The following HEATR5A variants were observed in gnomAD, a reference collection of about 807,000 sequenced individuals.
HEATR5A encodes HEAT repeat-containing protein 5A.
In HEATR5A, 178 loss-of-function variants were observed where a neutral mutation model predicts 218.8. That is an observed-to-expected ratio of 0.81 (90% CI 0.72 to 0.92). The LOEUF (loss-of-function observed/expected upper bound fraction) is 0.92, where lower values mean the gene tolerates loss of function less well. Ranked by LOEUF, HEATR5A falls within the 40% of genes least tolerant of loss-of-function variation. HEATR5A has a pLI of 0.00. For missense variants in HEATR5A, 2,420 were observed against 2,418.9 expected, an observed-to-expected ratio of 1.00 and a Z score of -0.01; for synonymous variants, 864 against 871.6, an observed-to-expected ratio of 0.99 and a Z score of 0.15.
chr14:31,314,587 G>A (rs1342817089), intron 27 of HEATR5A, among the ~76,000 whole-genome samples: 2 of 151,988 alleles, frequency 1.3e-5, no homozygotes, highest in Non-Finnish European at 2.9e-5. Flanking sequence ...TTTATATAGA[G>A]ATGGGGTCTC....
In HEATR5A at chr14:31,419,982, G is replaced by A. The variant is rs2031589357; in HGVS notation, c.-75+490C>T. Among the ~76,000 whole-genome samples the A allele has an allele frequency of 3.3e-5, 5 of 152,352 alleles. No homozygotes were observed. In the South Asian group the frequency reaches 1.0e-3, roughly 32 times the overall value. ...AGAAAACGAACGGGCCTCTGAGGAAGCTCGCCCGAAGGCCGGGCCGGGGCC... is the reference window on the plus strand; with the variant it reads ...AGAAAACGAACGGGCCTCTGAGGAAACTCGCCCGAAGGCCGGGCCGGGGCC... On this transcript the variant is annotated intron_variant, in intron 1 of 35. Transcript: ENST00000543095.
At chr14:31,349,717 T>C in intron 18 of HEATR5A, 72 bp downstream of exon 18, 2 of 961,792 alleles carry the variant, frequency 2.1e-6, no homozygotes, top group Admixed American at 2.4e-5. Flanking sequence ...ATCTTACTAG[T>C]TCCAACAAGC....
intron 11 of HEATR5A, among the ~76,000 whole-genome samples, chr14:31,378,370 A>G (rs1336477638): frequency 1.3e-5 from 2 of 152,172 alleles, no homozygotes; most frequent in African/African-American, 4.8e-5. Context: ...TTTTTCCCCA[A>G]CCACTAATAA....
At chr14:31,334,107 GT>G (rs374856192) in intron 22 of HEATR5A, among the ~76,000 whole-genome samples, 156 of 150,422 alleles carry the variant, frequency 1.0e-3, no homozygotes, top group Middle Eastern at 3.5e-3. Context: ...TTACAACTGG[GT>G]TTACTGAATA....
chr14:31,398,259 C>T (rs1239773648), intron 4 of HEATR5A, among the ~76,000 whole-genome samples: 1 of 152,086 alleles, frequency 6.6e-6, no homozygotes, highest in African/African-American at 2.4e-5. Flanking sequence ...GATTATATTC[C>T]TTACTACCTT....
intron 23 of HEATR5A, among the ~76,000 whole-genome samples, chr14:31,325,123 T>C (rs1900222294): frequency 6.6e-6 from 1 of 152,184 alleles, no homozygotes; most frequent in South Asian, 2.1e-4. Context: ...CAAGCCTATT[T>C]TCTCTTCTAT....
intron 1 of HEATR5A, among the ~76,000 whole-genome samples, chr14:31,414,178 G>C (rs1275137545): frequency 6.6e-6 from 1 of 152,204 alleles, no homozygotes; most frequent in African/African-American, 2.4e-5. Context: ...GCCAGAGGCA[G>C]ATTTTAAGTT....
Position 31,350,717 on chromosome 14 carries a change from C to A in HEATR5A, c.2412G>T (p.Arg804Ser), listed in dbSNP as rs768578029. ...CCAAAAGCTGTTCCAATATAAGAAG[C>A]CTACAATCAGAAATAACAGGATTTA... ...VVCAHVGETQ[R>S]LLILEQLLDS... The change falls in exon 17 of 36, where the codon AGG (arginine) becomes AGT (serine). Residue 804 changes from arginine (R) to serine (S), a missense_variant and splice_region_variant. Coordinates refer to ENST00000543095, the MANE Select transcript of HEATR5A (RefSeq NM_015473.4). 2.0e-6 allele frequency: 3 copies of A among 1,474,078 alleles called. No individual in the cohort carries two copies. The highest frequency in any genetic ancestry group is 9.4e-7 in the Non-Finnish European group (1 of 1,069,250). The allele number at this position is 1,474,078 out of a possible 1,614,324, so 91.3% of individuals were successfully genotyped here.
rs760134384 is a variant in HEATR5A at position 31,295,890 on chromosome 14, T to C, written c.5619+19A>G. 3 of 1,609,212 alleles carry C rather than the reference T, an allele frequency of 1.9e-6. No individual in the cohort carries two copies. The highest frequency in any genetic ancestry group is 2.5e-6 in the Non-Finnish European group (3 of 1,176,774). ...GCCATTGTCCTATTACATACATCTT[T>C]CTGCTAAAAGACACTTACCACAGGA... On this transcript the variant is annotated intron_variant, in intron 34 of 35. Transcript: ENST00000543095.
rs974665043 is a variant in HEATR5A, at chr14:31,302,679, T to G, written c.5240-160A>C. 1.4e-5 allele frequency: 8 copies of G among 580,652 alleles called. No homozygotes were observed. In the African/African-American group the frequency reaches 1.5e-4, roughly 11 times the overall value. 36.0% of individuals were successfully genotyped at this position (580,652 alleles called of 1,614,324 possible). On this transcript the variant is annotated intron_variant, in intron 32 of 35. Coordinates refer to ENST00000543095, the MANE Select transcript of HEATR5A (RefSeq NM_015473.4). ...GTTAAGATAATGTAAGTAGCTTTAT[T>G]AAAATTTTTATGGATGGATTAAATC...
intron 29 of HEATR5A, among the ~76,000 whole-genome samples, chr14:31,308,297 C>G (rs533834948): frequency 6.6e-5 from 10 of 152,152 alleles, no homozygotes; most frequent in African/African-American, 2.4e-4. Context: ...CATCTGAGGT[C>G]AGGAGTTTGA....
intron 11 of HEATR5A, among the ~76,000 whole-genome samples, chr14:31,377,449 G>A (rs1462955321): frequency 1.3e-5 from 2 of 151,998 alleles, no homozygotes; most frequent in African/African-American, 4.8e-5. Context: ...CCCCCTGAAA[G>A]TTGCTATGAT....
chr14:31,400,252 A>G (rs1566782979), intron 3 of HEATR5A, 49 bp downstream of exon 3: 1 of 1,255,130 alleles, frequency 8.0e-7, no homozygotes, highest in Admixed American at 2.0e-5. Flanking sequence ...ATAAAAATAC[A>G]ACAGGAAGCA....
At chr14:31,416,609 T>TAA (rs199498322) in intron 1 of HEATR5A, among the ~76,000 whole-genome samples, 7 of 147,428 alleles carry the variant, frequency 4.7e-5, no homozygotes, top group African/African-American at 1.7e-4. Flanking sequence ...TTGTTACCAT[T>TAA]AAAAAAAAAA....
At chr14:31,316,715 T>C (rs1454907356) in intron 26 of HEATR5A, among the ~76,000 whole-genome samples, 1 of 152,194 alleles carries the variant, frequency 6.6e-6, no homozygotes, top group East Asian at 1.9e-4. Flanking sequence ...TTTTTTGGGA[T>C]AGGATCTTGC....
intron 1 of HEATR5A, among the ~76,000 whole-genome samples, chr14:31,418,973 T>C (rs1566789009): frequency 1.3e-5 from 2 of 152,286 alleles, no homozygotes; most frequent in Admixed American, 6.5e-5. Flanking sequence ...TAGTTTAATG[T>C]AGTTAATTTT....
chr14:31,398,840 C>G, intron 3 of HEATR5A, 59 bp from the exon 4 acceptor site: 3 of 940,632 alleles, frequency 3.2e-6, no homozygotes, highest in Non-Finnish European at 4.9e-6. Context: ...ATAAAAAGAT[C>G]TTAGGATATG....
Position 31,414,194 on chromosome 14 carries a change from G to A in HEATR5A, c.-75+6278C>T, listed in dbSNP as rs148283848. ...CCAGAGGCAGATTTTAAGTTAAGAAGTTTTACTTTTCTTGTATCTCCCACC... is the reference window on the plus strand; with the variant it reads ...CCAGAGGCAGATTTTAAGTTAAGAAATTTTACTTTTCTTGTATCTCCCACC... On this transcript the variant is annotated intron_variant, in intron 1 of 35. Transcript: ENST00000543095. 1.5e-3 allele frequency among the ~76,000 whole-genome samples: 222 copies of A among 152,284 alleles called. No homozygotes were observed. The Middle Eastern group carries it at 0.017, about 12-fold the overall frequency.
Position 31,394,131 on chromosome 14 carries a change from A to T in HEATR5A, c.693T>A (p.Asn231Lys). 1 of 1,535,288 alleles carries T rather than the reference A, an allele frequency of 6.5e-7. No homozygotes were observed. The highest frequency in any genetic ancestry group is 8.7e-7 in the Non-Finnish European group (1 of 1,145,986). ...TLCFKSFEGS[N>K]YDVRISVSKL... ...TTGAAACAGAAATCCGCACATCATA[A>T]TTGGAACCTTCAAAGGACTTAAAAC... Residue 231 changes from asparagine to lysine, a missense_variant, in exon 6 of 36, where the codon AAT (asparagine) becomes AAA (lysine). Coordinates refer to ENST00000543095, the MANE Select transcript of HEATR5A (RefSeq NM_015473.4).
Sources: gnomAD v4.1 joint callset for allele counts (sites outside exome capture counted in the v4.1 genomes callset) on GRCh38, gnomAD v4.1.1 for gene constraint, MANE v1.5 for transcripts, NCBI Gene and HGNC (gene_info 2026-07-23, HGNC 2026-07-21) for gene names.